Variants in GALNT17 observed in about 807,000 individuals in gnomAD.
GALNT17 encodes UDP-GalNAc:polypeptide N-acetylgalactosaminyltransferase-like 3.
A neutral mutation model predicts 63.7 loss-of-function variants in GALNT17; 29 were observed. The observed-to-expected ratio is 0.46, with a 90% CI of 0.34 to 0.62. The LOEUF (loss-of-function observed/expected upper bound fraction) is 0.62. Ranked by LOEUF, GALNT17 falls within the 20% of genes least tolerant of loss-of-function variation. The pLI is 0.01. For missense variants in GALNT17, 603 were observed against 799.6 expected (o/e 0.75, Z 2.97); for synonymous variants, 305 against 318.3 (o/e 0.96, Z 0.45).
intron 1 of GALNT17, among the ~76,000 whole-genome samples, chr7:71,295,902 G>A (rs1458489891): frequency 6.6e-6 from 1 of 150,852 alleles, no homozygotes; most frequent in Non-Finnish European, 1.5e-5. Context: ...GCAGGAGTCT[G>A]CCTTTCTTTC....
rs537088657 is a variant in GALNT17 at position 71,711,575 on chromosome 7, CTT to C, written c.1669-441_1669-440del. 2.1e-4 allele frequency among the ~76,000 whole-genome samples: 32 copies of C among 151,462 alleles called. No individual in the cohort carries two copies. The South Asian group carries it at 5.9e-3, about 28-fold the overall frequency. Reference sequence around the variant, plus strand: ...TCTCTGCCTCTCTCTCCCTTTCTCTCTTTCTCTTCTCTGTCTTGTCTCTCCTC... The same window carrying C: ...TCTCTGCCTCTCTCTCCCTTTCTCTCTCTCTTCTCTGTCTTGTCTCTCCTC... On this transcript the variant is annotated intron_variant, in intron 10 of 10. Coordinates refer to ENST00000333538, the MANE Select transcript of GALNT17 (RefSeq NM_022479.3).
intron 5 of GALNT17, among the ~76,000 whole-genome samples, chr7:71,434,439 A>T (rs1263123338): frequency 6.6e-6 from 1 of 152,134 alleles, no homozygotes; most frequent in East Asian, 1.9e-4. Context: ...CAGGTTGAAG[A>T]CTGGTACTTT....
At chr7:71,138,045 G>A (rs970417808) in intron 1 of GALNT17, among the ~76,000 whole-genome samples, 1 of 152,190 alleles carries the variant, frequency 6.6e-6, no homozygotes, top group African/African-American at 2.4e-5. Flanking sequence ...AAAAGGAAAT[G>A]TTATTAAGAA....
chr7:71,533,059 C>T (rs1366986234), intron 5 of GALNT17, among the ~76,000 whole-genome samples: 4 of 152,096 alleles, frequency 2.6e-5, no homozygotes, highest in Non-Finnish European at 5.9e-5. Flanking sequence ...AAATATATTC[C>T]TTGATAAAAC....
chr7:71,333,467 G>A (rs910728664), intron 1 of GALNT17, among the ~76,000 whole-genome samples: 1 of 152,116 alleles, frequency 6.6e-6, no homozygotes, highest in African/African-American at 2.4e-5. Flanking sequence ...TTTTGGGGAC[G>A]AATGTTTCCA....
At chr7:71,616,231 C>T (rs1469409772) in intron 6 of GALNT17, among the ~76,000 whole-genome samples, 1 of 151,974 alleles carries the variant, frequency 6.6e-6, no homozygotes, top group East Asian at 1.9e-4. Flanking sequence ...CTAGGGTGGG[C>T]GATTCACAGT....
intron 5 of GALNT17, among the ~76,000 whole-genome samples, chr7:71,448,357 ATGTGTGTGTGTGTG>A (rs113851150): frequency 2.0e-5 from 3 of 147,588 alleles, no homozygotes; most frequent in Admixed American, 1.4e-4. Flanking sequence ...CTTCGTGTGT[ATGTGTGTGTGTGTG>A]TGTGTGTGGT....
rs370246526 is a variant in GALNT17, at chr7:71,225,180, G to A, written c.238+92140G>A. ...GATGGGGTTTCGCCATGTTGGCCAG[G>A]CTGGTCTTGAACTCCTGACCTCAAG... On this transcript the variant is annotated intron_variant, in intron 1 of 10. Coordinates refer to ENST00000333538, the MANE Select transcript of GALNT17 (RefSeq NM_022479.3). Among the ~76,000 whole-genome samples the A allele has an allele frequency of 1.8e-3, 275 of 152,164 alleles. 1 individual carries two copies. Among genetic ancestry groups the A allele is most frequent in the African/African-American group, 6.3e-3 (263 of 41,518 alleles).
intron 5 of GALNT17, among the ~76,000 whole-genome samples, chr7:71,435,758 G>A (rs376597502): frequency 3.9e-5 from 6 of 152,132 alleles, no homozygotes; most frequent in Non-Finnish European, 8.8e-5. Context: ...AATGGCTCAC[G>A]CCTGTAATCC....
chr7:71,496,508 G>T (rs539221893), intron 5 of GALNT17, among the ~76,000 whole-genome samples: 1 of 152,244 alleles, frequency 6.6e-6, no homozygotes, highest in South Asian at 2.1e-4. Context: ...ACCCCTCTCC[G>T]CACAGACATC....
At chr7:71,388,031 G>A (rs953347303) in intron 2 of GALNT17, among the ~76,000 whole-genome samples, 2 of 152,030 alleles carry the variant, frequency 1.3e-5, no homozygotes, top group Non-Finnish European at 2.9e-5. Context: ...GTGAATCTGG[G>A]AGAAGTGGGG....
chr7:71,541,571 A>AG (rs1327408862), intron 5 of GALNT17, among the ~76,000 whole-genome samples: 1 of 152,014 alleles, frequency 6.6e-6, no homozygotes, highest in Non-Finnish European at 1.5e-5. Flanking sequence ...AAACAAGAAG[A>AG]GAAAAAAAAG....
chr7:71,140,538 C>G (rs1787868871), intron 1 of GALNT17, among the ~76,000 whole-genome samples: 2 of 152,170 alleles, frequency 1.3e-5, no homozygotes. Context: ...CAGTGTCATT[C>G]TTGCTGAAGA....
At chr7:71,695,672 T>G (rs1297225234) in intron 9 of GALNT17, among the ~76,000 whole-genome samples, 2 of 152,204 alleles carry the variant, frequency 1.3e-5, no homozygotes, top group Non-Finnish European at 2.9e-5. Context: ...ATGCTCCTTT[T>G]CTAACCCCAG....
At position 71,655,033 on chromosome 7, in the gene GALNT17, G is replaced by A. The variant is rs143943853; in HGVS notation, c.1081-10378G>A. Among the ~76,000 whole-genome samples the A allele has an allele frequency of 5.3e-4, 80 of 152,140 alleles. No homozygotes were observed. In the South Asian group the frequency reaches 0.01, roughly 20 times the overall value. ...TCAAACTTCTGACCTCAGGTGATCC[G>A]CCCACCTCAGCCCCCGAAAGTGCTG... On this transcript the variant is annotated intron_variant, in intron 6 of 10. Transcript: ENST00000333538.
chr7:71,337,450 T>C (rs1791928204), intron 2 of GALNT17, among the ~76,000 whole-genome samples: 1 of 152,262 alleles, frequency 6.6e-6, no homozygotes, highest in Non-Finnish European at 1.5e-5. Flanking sequence ...AAATCTATAG[T>C]AATTCTACTC....
chr7:71,396,030 T>TA (rs1300538158), intron 3 of GALNT17, among the ~76,000 whole-genome samples: 1 of 152,176 alleles, frequency 6.6e-6, no homozygotes, highest in African/African-American at 2.4e-5. Flanking sequence ...TTTTTGCAAA[T>TA]ATGCTTGCAA....
At chr7:71,373,887 A>G (rs1451875785) in intron 2 of GALNT17, among the ~76,000 whole-genome samples, 4 of 152,178 alleles carry the variant, frequency 2.6e-5, no homozygotes, top group Non-Finnish European at 2.9e-5. Context: ...TTCTCCAAAC[A>G]TATCATATTG....
intron 5 of GALNT17, among the ~76,000 whole-genome samples, chr7:71,473,630 A>G (rs1787677433): frequency 6.6e-6 from 1 of 151,984 alleles, no homozygotes; most frequent in South Asian, 2.1e-4. Context: ...AGGCTTGTCC[A>G]TCCTTTCTTC....
Sources: allele counts gnomAD v4.1 joint callset (sites outside exome capture counted in the v4.1 genomes callset), GRCh38; gene constraint gnomAD v4.1.1; transcripts MANE v1.5; gene names NCBI Gene and HGNC (gene_info 2026-07-23, HGNC 2026-07-21).